Variants in FAT3 observed in about 807,000 individuals in gnomAD.
FAT3 encodes the protein protocadherin Fat 3.
In FAT3, 95 loss-of-function variants were observed where a neutral mutation model predicts 310.2. That is an observed-to-expected ratio of 0.31 (90% confidence interval 0.26 to 0.36). The LOEUF is 0.36. Among genes scored for constraint, FAT3 ranks in the 10% least tolerant of loss-of-function variants. The pLI, the probability that FAT3 is intolerant of heterozygous loss-of-function variation, is 1.00. For synonymous variants in FAT3, 2,314 were observed against 2,192.9 expected, an observed-to-expected ratio of 1.06 and a Z score of -1.54; for missense variants, 5,408 against 5,715.6, an observed-to-expected ratio of 0.95 and a Z score of 1.74.
intron 3 of FAT3, among the ~76,000 whole-genome samples, chr11:92,589,956 CAA>C (rs1591491810): frequency 1.3e-5 from 2 of 152,054 alleles, no homozygotes; most frequent in East Asian, 3.9e-4. Flanking sequence ...CATCTTTAGC[CAA>C]AACAGCCTAA....
intron 4 of FAT3, among the ~76,000 whole-genome samples, chr11:92,700,356 G>A (rs779259256): frequency 3.9e-5 from 6 of 152,130 alleles, no homozygotes; most frequent in Admixed American, 3.3e-4. Flanking sequence ...TTTTTCCTGA[G>A]TGCAGTGGAA....
At chr11:92,582,927 G>A (rs75096028) in intron 3 of FAT3, among the ~76,000 whole-genome samples, 2 of 152,138 alleles carry the variant, frequency 1.3e-5, no homozygotes, top group East Asian at 3.9e-4. Context: ...AGTACTACTG[G>A]AAGCAGTGAA....
chr11:92,711,628 T>G (rs1028809217), intron 4 of FAT3, among the ~76,000 whole-genome samples: 3 of 152,236 alleles, frequency 2.0e-5, no homozygotes, highest in Non-Finnish European at 4.4e-5. Flanking sequence ...TCTGTAATAC[T>G]CTACCTTATA....
chr11:92,395,074 A>G (rs1226252945), intron 2 of FAT3, among the ~76,000 whole-genome samples: 2 of 152,230 alleles, frequency 1.3e-5, no homozygotes, highest in Non-Finnish European at 2.9e-5. Flanking sequence ...GTTGAGAGTG[A>G]GTAGTATAAA....
intron 1 of FAT3, among the ~76,000 whole-genome samples, chr11:92,302,485 C>G (rs1303003242): frequency 1.3e-5 from 2 of 151,000 alleles, no homozygotes; most frequent in East Asian, 3.9e-4. Context: ...TTCTTTCAGC[C>G]TTGGCACCAT....
chr11:92,245,784 GAGCTGTA>G, intron 1 of FAT3, among the ~76,000 whole-genome samples: 1 of 152,150 alleles, frequency 6.6e-6, no homozygotes, highest in Non-Finnish European at 1.5e-5. Context: ...TTTGGCCAGT[GAGCTGTA>G]GTTTGCAACC....
chr11:92,354,857 G>A lies in FAT3; in HGVS notation c.2745G>A (p.Gln915=), dbSNP rs764576930. ...GGGACAAGGCAGAGAGTGGTCAGCA[G>A]CTGTTTTCAGTTGTCACTCTTAAAG... The part of the protein sequence containing the change: ...EARDKAESGQ[Q]LFSVVTLKVF... Residue 915 remains glutamine, a synonymous_variant, in exon 2 of 28, where the codon CAG becomes CAA. Transcript: ENST00000525166. 2 of 1,613,788 alleles carry A rather than the reference G, an allele frequency of 1.2e-6. No homozygotes were observed. The highest frequency in any genetic ancestry group is 1.7e-6 in the Non-Finnish European group (2 of 1,179,876).
At position 92,889,245 on chromosome 11, in the gene FAT3, G is replaced by T; in HGVS notation, c.13108G>T (p.Glu4370Ter). The T allele has an allele frequency of 1.4e-6, 1 of 708,018 alleles. No individual in the cohort carries two copies. The allele number at this position is 708,018 out of a possible 1,614,324, so 43.9% of individuals were successfully genotyped here. ...VNNVVDTIEN[E>*]VSVMDQGQNY... ...CAATGTAGTTGACACTATAGAGAAT[G>T]AAGGTATTTACTTTTTTTCTTCCAT... Residue 4370 changes from glutamate (E) to a stop codon, truncating the protein, a stop_gained, in exon 26 of 28, where the codon GAA (glutamate) becomes TAA (stop). Transcript: ENST00000525166. LOFTEE classifies it high-confidence loss of function.
chr11:92,388,526 C>A (rs1465058363), intron 2 of FAT3, among the ~76,000 whole-genome samples: 2 of 152,134 alleles, frequency 1.3e-5, no homozygotes, highest in African/African-American at 2.4e-5. Context: ...GTATTTCAGA[C>A]ATAGCAGGAT....
chr11:92,634,928 C>G (rs1227060746), intron 3 of FAT3, among the ~76,000 whole-genome samples: 2 of 152,132 alleles, frequency 1.3e-5, no homozygotes, highest in Admixed American at 6.5e-5. Context: ...ACAGCGTTCT[C>G]TCTTTCCACC....
intron 3 of FAT3, among the ~76,000 whole-genome samples, chr11:92,637,239 G>A (rs561528302): frequency 2.6e-5 from 4 of 152,284 alleles, no homozygotes; most frequent in African/African-American, 9.6e-5. Context: ...CTGCCCCATT[G>A]AGTATTGGTT....
Position 92,799,247 on chromosome 11 carries a change from T to C in FAT3, c.6234T>C (p.Asn2078=). 6.2e-7 allele frequency: 1 copy of C among 1,613,912 alleles called. No individual in the cohort carries two copies. Among genetic ancestry groups the C allele is most frequent in the Non-Finnish European group, 8.5e-7 (1 of 1,179,874 alleles). ...TCAGGGTTAACATTGAAGACATAAA[T>C]GACAATTCTCCAGTCTTTGTGGGCC... ...VVVRVNIEDI[N]DNSPVFVGLP... is the part of the protein sequence containing the mutation. Residue 2078 remains asparagine, a synonymous_variant, in exon 10 of 28, where the codon AAT becomes AAC. Coordinates refer to ENST00000525166, the MANE Select transcript of FAT3 (RefSeq NM_001367949.2).
chr11:92,642,263 G>T (rs1366887073), intron 3 of FAT3, among the ~76,000 whole-genome samples: 1 of 152,206 alleles, frequency 6.6e-6, no homozygotes, highest in Admixed American at 6.5e-5. Context: ...TTGCCTTTGG[G>T]TTCTCCAGTG....
At chr11:92,253,491 A>G (rs938578124) in intron 1 of FAT3, among the ~76,000 whole-genome samples, 156 of 152,146 alleles carry the variant, frequency 1.0e-3, no homozygotes, top group African/African-American at 3.4e-3. Context: ...AGTGATCAGC[A>G]TTGCCCTTTG....
At chr11:92,651,704 A>C (rs146587142) in intron 3 of FAT3, among the ~76,000 whole-genome samples, 1 of 152,298 alleles carries the variant, frequency 6.6e-6, no homozygotes, top group East Asian at 1.9e-4. Flanking sequence ...AGTCCCCTGC[A>C]CACTTCCAGA....
intron 3 of FAT3, among the ~76,000 whole-genome samples, chr11:92,577,569 A>C (rs898039806): frequency 3.3e-5 from 5 of 152,288 alleles, no homozygotes; most frequent in African/African-American, 1.2e-4. Flanking sequence ...TTTGTGGGAA[A>C]ACATTCAAAA....
intron 2 of FAT3, among the ~76,000 whole-genome samples, chr11:92,358,241 AT>A (rs1948786538): frequency 6.6e-6 from 1 of 152,154 alleles, no homozygotes; most frequent in South Asian, 2.1e-4. Flanking sequence ...TGCCACTTAC[AT>A]TTTGACATTG....
chr11:92,345,451 G>A (rs1163834714), intron 1 of FAT3, among the ~76,000 whole-genome samples: 1 of 152,170 alleles, frequency 6.6e-6, no homozygotes, highest in Admixed American at 6.5e-5. Flanking sequence ...TGGGGTCCCA[G>A]GACCAGAATT....
chr11:92,427,083 A>T (rs1424140128), intron 2 of FAT3, among the ~76,000 whole-genome samples: 1 of 151,894 alleles, frequency 6.6e-6, no homozygotes, highest in Non-Finnish European at 1.5e-5. Flanking sequence ...CCTTGAAGAG[A>T]TCCTTCTCAT....
Sources: allele counts gnomAD v4.1 joint callset (sites outside exome capture counted in the v4.1 genomes callset), GRCh38; gene constraint gnomAD v4.1.1; transcripts MANE v1.5; gene names NCBI Gene and HGNC (gene_info 2026-07-23, HGNC 2026-07-21).